MYO18B: variants seen among roughly 807,000 people sequenced by gnomAD.
The protein encoded by MYO18B is unconventional myosin-XVIIIb.
MYO18B carries 204 observed loss-of-function variants against 273.0 expected under a neutral mutation model. The observed-to-expected ratio is 0.75, with a 90% confidence interval of 0.67 to 0.84. The LOEUF (loss-of-function observed/expected upper bound fraction) is 0.84. Among genes scored for constraint, MYO18B ranks in the 40% least tolerant of loss-of-function variants. The pLI is 0.00. For synonymous variants in MYO18B, 1,330 were observed against 1,305.7 expected (o/e 1.02, Z -0.40); for missense variants, 3,212 against 3,287.6 (o/e 0.98, Z 0.56).
At chr22:25,745,935 C>T (rs531115717) in intron 1 of MYO18B, among the ~76,000 whole-genome samples, 8 of 152,216 alleles carry the variant, frequency 5.3e-5, no homozygotes, top group African/African-American at 1.9e-4. Context: ...CTTAATATTC[C>T]AGTGAGCTTG....
chr22:25,864,637 A>G (rs562070082), intron 21 of MYO18B, among the ~76,000 whole-genome samples: 61 of 152,300 alleles, frequency 4.0e-4, no homozygotes, highest in Middle Eastern at 3.4e-3. Context: ...CTTCCTAAAC[A>G]CGTGAGCTTT....
chr22:25,913,589 C>T (rs1015665586), intron 33 of MYO18B, among the ~76,000 whole-genome samples: 2 of 152,118 alleles, frequency 1.3e-5, no homozygotes, highest in East Asian at 1.9e-4. Context: ...AGGATGGTTT[C>T]GATCTCGTGA....
chr22:26,004,819 G>A lies in MYO18B; in HGVS notation c.6434G>A (p.Arg2145Gln), dbSNP rs758576166. The A allele has an allele frequency of 3.5e-5, 56 of 1,613,630 alleles. No homozygotes were observed. Among genetic ancestry groups the A allele is most frequent in the Middle Eastern group, 3.3e-4 (2 of 6,080 alleles). Residue 2145 changes from arginine (R) to glutamine (Q), a missense_variant, in exon 42 of 44, where the codon CGA becomes CAA. Physicochemically the swap from Arg to Gln is conservative, Grantham distance 43 (BLOSUM62 1). Transcript: ENST00000335473. ...ACAGATACTATGAGGACTCCTTCTC[G>A]ACAGTCAGCCACCAGCAGCCGCATC... ...LATDTMRTPSRQSATSSRILS... is the reference protein window; with the variant it reads ...LATDTMRTPSQQSATSSRILS...
chr22:25,924,666 G>A (rs927419862), intron 34 of MYO18B, among the ~76,000 whole-genome samples: 7 of 152,314 alleles, frequency 4.6e-5, no homozygotes, highest in African/African-American at 7.2e-5. Flanking sequence ...ATTTTATCCC[G>A]GGGGTGGTGA....
At chr22:25,939,580 G>A (rs1172117525) in intron 34 of MYO18B, among the ~76,000 whole-genome samples, 1 of 152,180 alleles carries the variant, frequency 6.6e-6, no homozygotes, top group East Asian at 1.9e-4. Context: ...GGTAGGCTGG[G>A]TCATGTGCCC....
At chr22:25,917,802 C>A (rs1569188217) in intron 33 of MYO18B, among the ~76,000 whole-genome samples, 1 of 152,018 alleles carries the variant, frequency 6.6e-6, no homozygotes, top group African/African-American at 2.4e-5. Context: ...TCTCTTTTGA[C>A]CTATTGATTC....
chr22:25,789,297 C>T (rs752939998), intron 11 of MYO18B, among the ~76,000 whole-genome samples: 5 of 148,982 alleles, frequency 3.4e-5, no homozygotes, highest in Non-Finnish European at 7.4e-5. Context: ...CTATTCTCTT[C>T]TAATTCATAT....
intron 7 of MYO18B, among the ~76,000 whole-genome samples, chr22:25,777,253 G>A (rs778941469): frequency 1.1e-4 from 16 of 152,178 alleles, no homozygotes; most frequent in South Asian, 4.1e-4. Context: ...CAGCTGCCTC[G>A]CTTCAGGCAG....
chr22:26,055,869 A>G, the MYO18B span, among the ~76,000 whole-genome samples: 1 of 152,228 alleles, frequency 6.6e-6, no homozygotes, highest in African/African-American at 2.4e-5. Context: ...TTAGATGTCA[A>G]ACTGGCTTGA....
At chr22:25,870,440 T>C (rs2091014724) in intron 22 of MYO18B, among the ~76,000 whole-genome samples, 1 of 152,156 alleles carries the variant, frequency 6.6e-6, no homozygotes. Flanking sequence ...TATTTAAACA[T>C]AGAAAAAGTA....
intron 40 of MYO18B, among the ~76,000 whole-genome samples, chr22:25,999,557 TTCCCC>T (rs1569280818): frequency 4.2e-5 from 1 of 23,650 alleles, no homozygotes; most frequent in Non-Finnish European, 7.8e-5. Context: ...CCTCCCCCTC[TTCCCC>T]CTCCTCCTCT....
rs552174082 is a variant in MYO18B, at chr22:25,839,057, T to C, written c.3208+3614T>C. The stretch of plus-strand genomic sequence containing the variant: ...GTATGAGTGTATACATGTGTGTGCA[T>C]GTGTGTATATGTATGTATATATGTA... On this transcript the variant is annotated intron_variant, in intron 17 of 43. Transcript: ENST00000335473. Among the ~76,000 whole-genome samples, 13 of 152,024 alleles carry C rather than the reference T, an allele frequency of 8.6e-5. No homozygotes were observed. In the East Asian group the frequency reaches 2.3e-3, roughly 27 times the overall value.
In MYO18B at chr22:25,831,207, A is replaced by G. The variant is rs143523764; in HGVS notation, c.2980-1710A>G. On this transcript the variant is annotated intron_variant, in intron 15 of 43. Transcript: ENST00000335473. ...GTCATTTTCCTCACAGTATTACATT[A>G]TTCACATAACCTCCCTCCACTTACA... is the stretch of plus-strand genomic sequence containing the variant. 8.3e-3 allele frequency among the ~76,000 whole-genome samples: 1,266 copies of G among 152,240 alleles called. 25 individuals are homozygous for G. The highest frequency in any genetic ancestry group is 0.047 in the South Asian group (226 of 4,816).
chr22:25,913,070 CTG>C (rs1187952383), intron 33 of MYO18B, among the ~76,000 whole-genome samples: 1 of 152,204 alleles, frequency 6.6e-6, no homozygotes, highest in African/African-American at 2.4e-5. Context: ...ATCTGCCTCA[CTG>C]TGCACACGGG....
In MYO18B at chr22:26,030,915, G is replaced by T. The variant is rs754804205; in HGVS notation, c.*485G>T. On this transcript the variant is annotated 3_prime_UTR_variant, in exon 44 of 44. Coordinates refer to ENST00000335473, the MANE Select transcript of MYO18B (RefSeq NM_032608.7). ...TGCTCCCTTAATCCCCATGCTTGTC[G>T]ATTATATTCCTTTGCCAATTCATTT... 2.3e-5 allele frequency: 9 copies of T among 398,396 alleles called. No individual in the cohort carries two copies. In the East Asian group the frequency reaches 3.2e-4, roughly 14 times the overall value. 24.7% of individuals were successfully genotyped at this position (398,396 alleles called of 1,614,324 possible).
intron 12 of MYO18B, among the ~76,000 whole-genome samples, chr22:25,820,885 A>G (rs1367722642): frequency 6.6e-6 from 1 of 151,900 alleles, no homozygotes; most frequent in Non-Finnish European, 1.5e-5. Context: ...TTCTACTTTT[A>G]TGAAATCTTT....
At chr22:25,924,691 G>A (rs528079880) in intron 34 of MYO18B, among the ~76,000 whole-genome samples, 1 of 152,310 alleles carries the variant, frequency 6.6e-6, no homozygotes, top group South Asian at 2.1e-4. Flanking sequence ...CCATTGGGAG[G>A]TTGTGAGCGA....
At chr22:25,943,384 T>C (rs73879601) in intron 34 of MYO18B, among the ~76,000 whole-genome samples, 2,818 of 152,190 alleles carry the variant, frequency 0.019, 75 homozygotes, top group African/African-American at 0.059. Context: ...CTATTTGCAA[T>C]CTGGTCCCAC....
chr22:25,744,201 A>T (rs2085709864), intron 1 of MYO18B, among the ~76,000 whole-genome samples: 1 of 152,212 alleles, frequency 6.6e-6, no homozygotes, highest in Admixed American at 6.5e-5. Context: ...TTTATTGGGC[A>T]GGTGTTCCTC....
Sources: allele counts gnomAD v4.1 joint callset (sites outside exome capture counted in the v4.1 genomes callset), GRCh38; gene constraint gnomAD v4.1.1; transcripts MANE v1.5; gene names NCBI Gene and HGNC (gene_info 2026-07-23, HGNC 2026-07-21).